Variants in CDH12 observed in about 807,000 individuals in gnomAD.
CDH12 encodes cadherin 12.
In CDH12, 41 loss-of-function variants were observed where a neutral mutation model predicts 74.1. The ratio of observed to expected loss-of-function variants is 0.55; its 90% CI spans 0.43 to 0.72. The LOEUF is 0.72. Among genes scored for constraint, CDH12 ranks in the 30% least tolerant of loss-of-function variants. The pLI, the probability that CDH12 is intolerant of heterozygous loss-of-function variation, is 0.00. For missense variants in CDH12, 945 were observed against 977.2 expected (o/e 0.97, Z 0.44); for synonymous variants, 399 against 355.0 (o/e 1.12, Z -1.39).
chr5:22,167,522 G>A (rs1173050031), intron 4 of CDH12, among the ~76,000 whole-genome samples: 10 of 151,990 alleles, frequency 6.6e-5, no homozygotes, highest in African/African-American at 2.4e-4. Flanking sequence ...CAAATATATA[G>A]CTCTTTGGAC....
At chr5:21,826,490 GACTC>G (rs1561217609) in intron 8 of CDH12, among the ~76,000 whole-genome samples, 1 of 152,070 alleles carries the variant, frequency 6.6e-6, no homozygotes, top group Non-Finnish European at 1.5e-5. Flanking sequence ...CACCATCACA[GACTC>G]ATACTTCTTT....
intron 8 of CDH12, among the ~76,000 whole-genome samples, chr5:21,836,220 T>C (rs1282278772): frequency 6.6e-6 from 1 of 151,766 alleles, no homozygotes; most frequent in South Asian, 2.1e-4. Context: ...TATTCTGCAA[T>C]TATTGTGTAA....
chr5:21,870,847 T>C (rs1751581415), intron 6 of CDH12, among the ~76,000 whole-genome samples: 1 of 152,138 alleles, frequency 6.6e-6, no homozygotes, highest in Admixed American at 6.5e-5. Context: ...TTCTCCCACC[T>C]CAGGCTCCCA....
At chr5:22,694,777 A>ATATACACACACACATATATG (rs1162236311) in intron 1 of CDH12, among the ~76,000 whole-genome samples, 11 of 151,892 alleles carry the variant, frequency 7.2e-5, no homozygotes, top group African/African-American at 2.7e-4. Flanking sequence ...TGGCATATAT[A>ATATACACACACACATATATG]TATACACACA....
chr5:22,103,505 G>A (rs7448927), intron 4 of CDH12, among the ~76,000 whole-genome samples: 89,501 of 152,002 alleles, frequency 0.59, 26,938 homozygotes, highest in African/African-American at 0.72. Context: ...ACTTAGACAG[G>A]TGCTGAGCTC....
chr5:22,359,806 T>A (rs1193223531), intron 3 of CDH12, among the ~76,000 whole-genome samples: 2 of 152,108 alleles, frequency 1.3e-5, no homozygotes, highest in African/African-American at 4.8e-5. Flanking sequence ...ACATGGAAAC[T>A]GAACAACCTG....
At chr5:22,777,121 C>G (rs891361355) in intron 1 of CDH12, among the ~76,000 whole-genome samples, 3 of 152,084 alleles carry the variant, frequency 2.0e-5, no homozygotes, top group Non-Finnish European at 2.9e-5. Flanking sequence ...TGCTAGATAG[C>G]TATGAGCTAC....
intron 1 of CDH12, among the ~76,000 whole-genome samples, chr5:22,512,362 T>C (rs271094): frequency 6.6e-6 from 1 of 152,258 alleles, no homozygotes; most frequent in East Asian, 1.9e-4. Context: ...CTAAGCTACT[T>C]CACTGTGGGG....
At chr5:21,756,758 G>A (rs16888482) in intron 13 of CDH12, among the ~76,000 whole-genome samples, 5,305 of 152,244 alleles carry the variant, frequency 0.035, 112 homozygotes, top group Middle Eastern at 0.075. Flanking sequence ...AGAATAAGGT[G>A]AGATAATTTT....
chr5:22,052,646 G>C (rs759862162), intron 5 of CDH12, among the ~76,000 whole-genome samples: 2 of 151,944 alleles, frequency 1.3e-5, no homozygotes, highest in African/African-American at 4.8e-5. Context: ...TCAACAAATT[G>C]TATTAAAAAC....
intron 5 of CDH12, among the ~76,000 whole-genome samples, chr5:21,990,048 T>G (rs902962445): frequency 2.6e-5 from 4 of 152,178 alleles, no homozygotes; most frequent in Non-Finnish European, 5.9e-5. Context: ...GTATCCTTCT[T>G]TCTGTCATTT....
At chr5:22,222,928 A>G (rs1752069237) in intron 3 of CDH12, among the ~76,000 whole-genome samples, 1 of 152,022 alleles carries the variant, frequency 6.6e-6, no homozygotes, top group African/African-American at 2.4e-5. Context: ...ATTATTCAAG[A>G]ATTATTACAG....
Position 22,515,190 on chromosome 5 carries a change from T to G in CDH12, c.-522-9826A>C, listed in dbSNP as rs530580001. 5.3e-5 allele frequency among the ~76,000 whole-genome samples: 8 copies of G among 152,232 alleles called. No homozygotes were observed. The East Asian group carries it at 1.2e-3, about 22-fold the overall frequency. On this transcript the variant is annotated intron_variant, in intron 1 of 14. Transcript: ENST00000382254. ...TAAAACTTGATTGATAACTATTAAA[T>G]AAGAACTAAATAAGTGGGAAGACAT...
intron 10 of CDH12, among the ~76,000 whole-genome samples, chr5:21,786,100 C>A (rs1246219072): frequency 6.6e-6 from 1 of 152,122 alleles, no homozygotes; most frequent in Admixed American, 6.6e-5. Flanking sequence ...TGCCTGTTGT[C>A]TTACAAATGG....
At chr5:21,843,397 C>A (rs1404702535) in intron 7 of CDH12, among the ~76,000 whole-genome samples, 2 of 152,124 alleles carry the variant, frequency 1.3e-5, no homozygotes, top group African/African-American at 4.8e-5. Flanking sequence ...CTCTACTTAA[C>A]AAACACTGAT....
intron 4 of CDH12, among the ~76,000 whole-genome samples, chr5:22,096,586 TAC>T (rs958349480): frequency 6.6e-6 from 1 of 152,114 alleles, no homozygotes; most frequent in African/African-American, 2.4e-5. Context: ...TGGTCCGGCT[TAC>T]AGTTTCTTTC....
At chr5:22,830,590 T>C (rs2126498432) in intron 1 of CDH12, among the ~76,000 whole-genome samples, 1 of 151,982 alleles carries the variant, frequency 6.6e-6, no homozygotes, top group East Asian at 1.9e-4. Context: ...CCTTTTTATA[T>C]AGTTTTCTTC....
chr5:21,834,086 C>T (rs1395687678), intron 8 of CDH12, among the ~76,000 whole-genome samples: 1 of 151,924 alleles, frequency 6.6e-6, no homozygotes, highest in Non-Finnish European at 1.5e-5. Context: ...TTCTATTACT[C>T]ATGCCTAAAA....
chr5:22,140,157 A>G (rs74599759), intron 4 of CDH12, among the ~76,000 whole-genome samples: 2,198 of 152,260 alleles, frequency 0.014, 25 homozygotes, highest in Middle Eastern at 0.051. Flanking sequence ...TAAAAATTAT[A>G]CAAACAATAG....
Sources: allele counts gnomAD v4.1 joint callset (sites outside exome capture counted in the v4.1 genomes callset), GRCh38; gene constraint gnomAD v4.1.1; transcripts MANE v1.5; gene names NCBI Gene and HGNC (gene_info 2026-07-23, HGNC 2026-07-21).